CDKL4: variants seen among roughly 807,000 people sequenced by gnomAD.
CDKL4 encodes cyclin-dependent kinase-like 4.
In CDKL4, 44 loss-of-function variants were observed where a neutral mutation model predicts 42.0. The observed-to-expected ratio is 1.05, with a 90% CI of 0.82 to 1.35. The LOEUF is 1.35. Ranked by LOEUF, CDKL4 falls within the 40% of genes most tolerant of loss-of-function variation. The probability of loss-of-function intolerance (pLI) is 0.00; values close to 1 mark genes in which losing one functional copy is unlikely to be tolerated. For missense variants in CDKL4, 393 were observed against 369.9 expected, an observed-to-expected ratio of 1.06 and a Z score of -0.51; for synonymous variants, 120 against 121.6, an observed-to-expected ratio of 0.99 and a Z score of 0.09.
rs530862771 is a variant in CDKL4 at position 39,203,258 on chromosome 2, C to G, written c.454+1269G>C. Among the ~76,000 whole-genome samples, 6 of 152,210 alleles carry G rather than the reference C, an allele frequency of 3.9e-5. No individual in the cohort carries two copies. The East Asian group carries it at 1.2e-3, about 29-fold the overall frequency. ...TCATGAAAAATTAAAAATATTTATA[C>G]GTTTGGAAGTATTGCCAGTTTAAGA... On this transcript the variant is annotated intron_variant, in intron 5 of 9. Coordinates refer to ENST00000451199, the Ensembl canonical transcript of CDKL4.
chr2:39,235,861 T>C (rs943201643), intron 1 of CDKL4, among the ~76,000 whole-genome samples: 1 of 151,330 alleles, frequency 6.6e-6, no homozygotes, highest in African/African-American at 2.4e-5. Context: ...AACTGGATTT[T>C]AGGAGGAAGT....
exon 6 of CDKL4, chr2:39,190,444 A>C (rs756872609): frequency 1.9e-6 from 3 of 1,613,890 alleles, no homozygotes. Flanking sequence ...CTCCCACAAG[A>C]AGTTCAGGAG....
chr2:39,236,492 T>C (rs771605189), intron 1 of CDKL4, among the ~76,000 whole-genome samples: 6 of 151,994 alleles, frequency 3.9e-5, no homozygotes, highest in Non-Finnish European at 7.4e-5. Context: ...CACAAAGAAA[T>C]CCATGCCTTG....
chr2:39,242,978 T>C (rs969525282), intron 1 of CDKL4, among the ~76,000 whole-genome samples: 20 of 151,742 alleles, frequency 1.3e-4, no homozygotes, highest in African/African-American at 4.4e-4. Flanking sequence ...CCTGCCTCTG[T>C]AGTCCCAGCT....
intron 1 of CDKL4, among the ~76,000 whole-genome samples, chr2:39,240,781 G>T (rs537431849): frequency 1.3e-5 from 2 of 151,818 alleles, no homozygotes; most frequent in Non-Finnish European, 2.9e-5. Context: ...TTCCATTACA[G>T]GAAATTTCTA....
rs539534521 is a variant in CDKL4 at position 39,179,372 on chromosome 2, G to A, written c.793-51C>T. 7.1e-6 allele frequency: 10 copies of A among 1,417,698 alleles called. No individual in the cohort carries two copies. In the East Asian group the frequency reaches 2.4e-4, roughly 34 times the overall value. 87.8% of individuals were successfully genotyped at this position (1,417,698 alleles called of 1,614,324 possible). On this transcript the variant is annotated intron_variant, in intron 8 of 9. Coordinates refer to ENST00000451199, the Ensembl canonical transcript of CDKL4. ...AGATGTTAAGGGAGGGGCTCATTTTGTTACCGTGCCCACAAACTGAATAAC... is the reference window on the plus strand; with the variant it reads ...AGATGTTAAGGGAGGGGCTCATTTTATTACCGTGCCCACAAACTGAATAAC...
At chr2:39,223,579 C>CTTT (rs1678503887) in intron 3 of CDKL4, among the ~76,000 whole-genome samples, 2 of 122,680 alleles carry the variant, frequency 1.6e-5, no homozygotes, top group African/African-American at 6.7e-5. Context: ...TCATTTCCTT[C>CTTT]TCTTTTTTTT....
rs539546391 is a variant in CDKL4 at position 39,178,766 on chromosome 2, G to A, written c.927+421C>T. ...AGGCAGACTTAGGTGCCTGCTGTGG[G>A]TGAAAAGATGGAAGAGTCAAGTTAC... is the stretch of plus-strand genomic sequence containing the variant. On this transcript the variant is annotated intron_variant, in intron 9 of 9. Transcript: ENST00000451199. 40 of 1,594,650 alleles carry A rather than the reference G, an allele frequency of 2.5e-5. No homozygotes were observed. In the South Asian group the frequency reaches 3.9e-4, roughly 15 times the overall value.
rs1553393122 is a variant in CDKL4, at chr2:39,226,446, T to TATATATATATA, written c.169-487_169-486insTATATATATAT. On this transcript the variant is annotated intron_variant, in intron 2 of 9. Coordinates refer to ENST00000451199, the Ensembl canonical transcript of CDKL4. ...TTATATTTATATAAATTATATATAT[T>TATATATATATA]ATATATATATTATATATATTATATA... Among the ~76,000 whole-genome samples, 3 of 94,904 alleles carry TATATATATATA rather than the reference T, an allele frequency of 3.2e-5. No homozygotes were observed. The East Asian group carries it at 6.2e-4, about 20-fold the overall frequency. The allele number at this position is 94,904 out of a possible 152,430, so 62.3% of individuals were successfully genotyped here.
intron 4 of CDKL4, among the ~76,000 whole-genome samples, chr2:39,212,134 A>G (rs566375127): frequency 6.6e-6 from 1 of 152,118 alleles, no homozygotes; most frequent in African/African-American, 2.4e-5. Context: ...TGAATCAGAA[A>G]CTCTGGGGGT....
intron 9 of CDKL4, chr2:39,178,406 C>T: frequency 1.5e-6 from 1 of 658,510 alleles, no homozygotes; most frequent in Non-Finnish European, 2.5e-6. Flanking sequence ...ATTACCAACT[C>T]AGTTTATTAT....
chr2:39,233,319 T>C (rs72921048), intron 1 of CDKL4, among the ~76,000 whole-genome samples: 3,141 of 151,666 alleles, frequency 0.021, 89 homozygotes, highest in African/African-American at 0.073. Context: ...AAGGAAGGGG[T>C]GTAAAAGTAA....
upstream of CDKL4, among the ~76,000 whole-genome samples, chr2:39,246,548 C>G (rs1426691785): frequency 6.6e-6 from 1 of 152,248 alleles, no homozygotes; most frequent in Non-Finnish European, 1.5e-5. Context: ...CCCTATTACT[C>G]TGCTTCAGGC....
In CDKL4 at chr2:39,190,995, A is replaced by G. The variant is rs370212359; in HGVS notation, c.455-493T>C. On this transcript the variant is annotated intron_variant, in intron 5 of 9. Coordinates refer to ENST00000451199, the Ensembl canonical transcript of CDKL4. ...GTGGACTCTAAATCCAATGACTTGA[A>G]TCCTTACAGGGATGCAGAGACATGG... Among the ~76,000 whole-genome samples the G allele has an allele frequency of 9.8e-5, 15 of 152,306 alleles. No individual in the cohort carries two copies. In the East Asian group the frequency reaches 2.5e-3, roughly 25 times the overall value.
intron 6 of CDKL4, 82 bp downstream of exon 6, chr2:39,190,219 ATTTT>A: frequency 1.1e-6 from 1 of 942,476 alleles, no homozygotes; most frequent in Non-Finnish European, 1.5e-6. Flanking sequence ...CTTGTTTTTT[ATTTT>A]TATTTATTTA....
intron 4 of CDKL4, among the ~76,000 whole-genome samples, chr2:39,209,400 T>C (rs1677442428): frequency 6.6e-6 from 1 of 152,044 alleles, no homozygotes; most frequent in Non-Finnish European, 1.5e-5. Flanking sequence ...TAAAAATCCC[T>C]GGGTTCATTA....
intron 4 of CDKL4, among the ~76,000 whole-genome samples, chr2:39,206,334 G>A (rs573652506): frequency 6.6e-6 from 1 of 152,134 alleles, no homozygotes; most frequent in African/African-American, 2.4e-5. Flanking sequence ...CGCCCACCTC[G>A]GTCTCCCAAA....
rs766021428 is a variant in CDKL4 at position 39,229,376 on chromosome 2, G to A, written c.157C>T (p.Arg53Cys). ...TAAAGTTAACTTACCTTCAACATAC[G>A]TATTTCTCTTAGTGCTATTTTCTTA... Residue 53 changes from arginine (R) to cysteine (C), a missense_variant, in exon 2 of 10, where the codon CGT becomes TGT. Transcript: ENST00000451199. 8.2e-6 allele frequency: 13 copies of A among 1,594,792 alleles called. No homozygotes were observed. In the South Asian group the frequency reaches 1.1e-4, roughly 14 times the overall value.
chr2:39,171,009 G>A (rs1674984727), downstream of CDKL4, among the ~76,000 whole-genome samples: 1 of 151,932 alleles, frequency 6.6e-6, no homozygotes, highest in Non-Finnish European at 1.5e-5. Context: ...AGGCCAAGGT[G>A]GGGTGGATCA....
Sources: gnomAD v4.1 joint callset for allele counts (sites outside exome capture counted in the v4.1 genomes callset) on GRCh38, gnomAD v4.1.1 for gene constraint, MANE v1.5 for transcripts, NCBI Gene and HGNC (gene_info 2026-07-23, HGNC 2026-07-21) for gene names.